ESRRG: variants seen among roughly 807,000 people sequenced by gnomAD.
ESRRG encodes estrogen related receptor gamma.
A neutral mutation model predicts 44.0 loss-of-function variants in ESRRG; 13 were observed. The ratio of observed to expected loss-of-function variants is 0.30; its 90% CI spans 0.19 to 0.47. ESRRG has a LOEUF of 0.47. Ranked by LOEUF, ESRRG falls within the 20% of genes least tolerant of loss-of-function variation. ESRRG has a pLI of 1.00. For synonymous variants in ESRRG, 215 were observed against 214.6 expected, an observed-to-expected ratio of 1.00 and a Z score of -0.02; for missense variants, 395 against 580.6, an observed-to-expected ratio of 0.68 and a Z score of 3.29.
At chr1:217,004,904 C>T (rs1321256406) in intron 1 of ESRRG, among the ~76,000 whole-genome samples, 1 of 152,020 alleles carries the variant, frequency 6.6e-6, no homozygotes. Context: ...TTTTTACTAC[C>T]AAGGACACTT....
At chr1:216,524,250 T>TTA (rs34966912) in intron 5 of ESRRG, among the ~76,000 whole-genome samples, 13,733 of 140,596 alleles carry the variant, frequency 0.098, 1,070 homozygotes, top group African/African-American at 0.21. Context: ...TATATGTAAG[T>TTA]TATATATATA....
At chr1:216,796,724 C>T (rs1245943359) in intron 2 of ESRRG, among the ~76,000 whole-genome samples, 1 of 152,000 alleles carries the variant, frequency 6.6e-6, no homozygotes, top group East Asian at 1.9e-4. Flanking sequence ...CTCTTTAACC[C>T]TAAGTTCTGA....
chr1:216,943,944 A>G (rs2065668842), intron 1 of ESRRG, among the ~76,000 whole-genome samples: 1 of 152,154 alleles, frequency 6.6e-6, no homozygotes, highest in Non-Finnish European at 1.5e-5. Context: ...AGACAACTTC[A>G]GCTCCCCCCT....
chr1:216,897,489 T>A (rs2058563060), intron 2 of ESRRG, among the ~76,000 whole-genome samples: 1 of 152,178 alleles, frequency 6.6e-6, no homozygotes. Context: ...AGCACACATA[T>A]TTTTTAAAAA....
chr1:216,614,549 A>C (rs2061150128), intron 3 of ESRRG, among the ~76,000 whole-genome samples: 1 of 152,194 alleles, frequency 6.6e-6, no homozygotes, highest in African/African-American at 2.4e-5. Flanking sequence ...ATAATTTGAT[A>C]TCTTGACAGC....
At chr1:217,011,833 G>T (rs1176722528) in intron 1 of ESRRG, among the ~76,000 whole-genome samples, 2 of 152,068 alleles carry the variant, frequency 1.3e-5, no homozygotes, top group East Asian at 1.9e-4. Flanking sequence ...GCCCACCTCA[G>T]CCTGGATGTC....
chr1:216,730,080 A>G (rs2088405198), intron 2 of ESRRG, among the ~76,000 whole-genome samples: 1 of 152,126 alleles, frequency 6.6e-6, no homozygotes, highest in Non-Finnish European at 1.5e-5. Context: ...GAAAGCTCCT[A>G]TTAGAAAAGA....
At chr1:216,569,096 G>GGAAGGAAGGAAGGAA (rs1553356045) in intron 3 of ESRRG, among the ~76,000 whole-genome samples, 3 of 80,486 alleles carry the variant, frequency 3.7e-5, no homozygotes, top group African/African-American at 1.1e-4. Context: ...AAGGAAGGAA[G>GGAAGGAAGGAAGGAA]GAAGGAAGGA....
chr1:216,824,226 C>G (rs538897005), intron 2 of ESRRG, among the ~76,000 whole-genome samples: 2 of 152,242 alleles, frequency 1.3e-5, no homozygotes, highest in East Asian at 3.9e-4. Flanking sequence ...GCAGGCAGAT[C>G]ATTTGAGGTC....
At chr1:216,560,387 T>G (rs1484549034) in intron 5 of ESRRG, among the ~76,000 whole-genome samples, 1 of 152,118 alleles carries the variant, frequency 6.6e-6, no homozygotes. Flanking sequence ...CAAAGACAAT[T>G]TTTTCTAAAA....
chr1:216,624,621 T>G (rs1428025128), intron 3 of ESRRG, among the ~76,000 whole-genome samples: 1 of 152,198 alleles, frequency 6.6e-6, no homozygotes, highest in Admixed American at 6.5e-5. Flanking sequence ...TTTCTCAGTT[T>G]AGGCTATTCG....
Position 216,506,885 on chromosome 1 carries a change from G to T in ESRRG, c.*54C>A. ...CTAAGTTTCTTCGACATCACTCTTGGGTTTATTTTCCCTTTTTCAACATGA... is the reference window on the plus strand; with the variant it reads ...CTAAGTTTCTTCGACATCACTCTTGTGTTTATTTTCCCTTTTTCAACATGA... On this transcript the variant is annotated 3_prime_UTR_variant, in exon 7 of 7. Transcript: ENST00000408911. 6.4e-7 allele frequency: 1 copy of T among 1,572,962 alleles called. No individual in the cohort carries two copies. Among genetic ancestry groups the T allele is most frequent in the South Asian group, 1.2e-5 (1 of 83,258 alleles).
rs180810733 is a variant in ESRRG, at chr1:216,623,864, T to C, written c.589+27109A>G. On this transcript the variant is annotated intron_variant, in intron 3 of 6. Coordinates refer to ENST00000408911, the MANE Select transcript of ESRRG (RefSeq NM_001438.4). The stretch of plus-strand genomic sequence containing the variant: ...AAATGCCCAGAAACACAAACAAATA[T>C]AGAACAAAGACAGGTCTACACCGAG... Among the ~76,000 whole-genome samples, 96 of 151,786 alleles carry C rather than the reference T, an allele frequency of 6.3e-4. 1 individual carries two copies. In the East Asian group the frequency reaches 0.015, roughly 24 times the overall value.
chr1:216,638,871 C>G (rs1338042480), intron 3 of ESRRG, among the ~76,000 whole-genome samples: 3 of 152,188 alleles, frequency 2.0e-5, no homozygotes, highest in African/African-American at 7.2e-5. Context: ...CTCACCCCAA[C>G]TCTAGATGTT....
intron 1 of ESRRG, among the ~76,000 whole-genome samples, chr1:216,953,237 G>C (rs866019409): frequency 2.6e-5 from 4 of 151,980 alleles, no homozygotes; most frequent in African/African-American, 9.7e-5. Context: ...TTATAATCAA[G>C]ACCATATGAC....
intron 2 of ESRRG, among the ~76,000 whole-genome samples, chr1:216,750,979 A>G (rs1388761536): frequency 6.6e-6 from 1 of 152,166 alleles, no homozygotes; most frequent in Non-Finnish European, 1.5e-5. Flanking sequence ...AATGGTTCAT[A>G]AGAACATAAA....
At chr1:216,871,354 AT>A (rs1279952848) in intron 2 of ESRRG, among the ~76,000 whole-genome samples, 6 of 151,770 alleles carry the variant, frequency 4.0e-5, no homozygotes, top group Admixed American at 6.6e-5. Flanking sequence ...ATATTATTTC[AT>A]TTTTTTGCAT....
chr1:216,546,810 T>C (rs1360478980), intron 5 of ESRRG, among the ~76,000 whole-genome samples: 1 of 131,586 alleles, frequency 7.6e-6, no homozygotes, highest in Non-Finnish European at 1.7e-5. Flanking sequence ...CTGCTATCTC[T>C]TTATATATAT....
intron 2 of ESRRG, among the ~76,000 whole-genome samples, chr1:216,903,484 A>G (rs2059332920): frequency 6.6e-6 from 1 of 151,642 alleles, no homozygotes; most frequent in Admixed American, 6.6e-5. Context: ...GAAAGAATGG[A>G]AAGAACGAGA....
Sources: gnomAD v4.1 joint callset for allele counts (sites outside exome capture counted in the v4.1 genomes callset) on GRCh38, gnomAD v4.1.1 for gene constraint, MANE v1.5 for transcripts, NCBI Gene and HGNC (gene_info 2026-07-23, HGNC 2026-07-21) for gene names.